Variants in DTX2 observed in about 807,000 individuals in gnomAD.
The protein encoded by DTX2 is probable E3 ubiquitin-protein ligase DTX2.
In DTX2, 29 loss-of-function variants were observed where a neutral mutation model predicts 55.3. That is an observed-to-expected ratio of 0.52 (90% CI 0.39 to 0.71). DTX2 has a LOEUF of 0.71. Among genes scored for constraint, DTX2 ranks in the 30% least tolerant of loss-of-function variants. The pLI is 0.00. For synonymous variants in DTX2, 276 were observed against 340.4 expected (o/e 0.81, Z 2.08); for missense variants, 537 against 822.5 (o/e 0.65, Z 4.25).
chr7:76,470,485 CCTT>C (rs1257630138), intron 2 of DTX2: 3 of 277,494 alleles, frequency 1.1e-5, no homozygotes, highest in Non-Finnish European at 1.8e-5. Flanking sequence ...CTGGTGTGCT[CCTT>C]CTTGTCATCC....
rs1354363490 is a variant in DTX2 at position 76,492,224 on chromosome 7, AGCCCAGCAGAGTCCAGCAGGC to A, written c.983_1003del (p.Pro328_Ala334del). 8.6e-7 allele frequency: 1 copy of A among 1,163,024 alleles called. No individual in the cohort carries two copies. The highest frequency in any genetic ancestry group is 1.2e-6 in the Non-Finnish European group (1 of 864,626). The allele number at this position is 1,163,024 out of a possible 1,614,324, so 72.0% of individuals were successfully genotyped here. On this transcript the variant is annotated inframe_deletion, in exon 5 of 11. Transcript: ENST00000430490. ...GCCACTGTGCCCATGCAGATGCCAA[AGCCCAGCAGAGTCCAGCAGGC>A]GCTCGCAGGTAGGTGCCTGACCTCG...
intron 8 of DTX2, chr7:76,502,821 G>A (rs1027889979): frequency 5.7e-5 from 18 of 313,710 alleles, no homozygotes; most frequent in Admixed American, 1.7e-4. Flanking sequence ...TCCCTGTGCA[G>A]TCAGCACAGT....
chr7:76,483,259 G>A (rs1165176288), intron 4 of DTX2, 112 bp downstream of exon 4: 57 of 1,306,842 alleles, frequency 4.4e-5, no homozygotes, highest in Non-Finnish European at 5.0e-5. Flanking sequence ...TGGTCCTGCC[G>A]TGGCATCTCA....
At chr7:76,498,629 A>G (rs1296880040) in intron 6 of DTX2, among the ~76,000 whole-genome samples, 4 of 119,940 alleles carry the variant, frequency 3.3e-5, no homozygotes, top group Non-Finnish European at 6.7e-5. Context: ...GCCCAGGCTC[A>G]CCCGGAGATG....
At position 76,505,757 on chromosome 7, in the gene DTX2, T is replaced by A; in HGVS notation, c.*156T>A. 1.3e-6 allele frequency: 1 copy of A among 749,594 alleles called. No homozygotes were observed. The highest frequency in any genetic ancestry group is 2.2e-6 in the Non-Finnish European group (1 of 460,770). 46.4% of individuals were successfully genotyped at this position (749,594 alleles called of 1,614,324 possible). A position where few individuals can be genotyped will look rare whatever the true frequency, so the allele number is the denominator to read the frequency against. Reference sequence around the variant, plus strand: ...AGCCGGGGCTCCCCCTGCCTGCCTCTCTCTCCTCCTCCCCTCTGGGAATTG... The same window carrying A: ...AGCCGGGGCTCCCCCTGCCTGCCTCACTCTCCTCCTCCCCTCTGGGAATTG... On this transcript the variant is annotated 3_prime_UTR_variant, in exon 11 of 11. Coordinates refer to ENST00000430490, the MANE Select transcript of DTX2 (RefSeq NM_001102594.3). The surrounding 1 kb of genome is among the most constrained non-coding windows in gnomAD (Gnocchi z 4.4).
intron 6 of DTX2, among the ~76,000 whole-genome samples, chr7:76,499,006 G>A: frequency 2.0e-5 from 1 of 50,982 alleles, no homozygotes; most frequent in Non-Finnish European, 3.6e-5. Flanking sequence ...TGTAGGGTGT[G>A]TAGAAGTGTG....
rs1477596087 is a variant in DTX2 at position 76,505,655 on chromosome 7, G to T, written c.*54G>T. ...TGGCCACCCCGCTGCCCCATGGCTG[G>T]CTGGGTGGCCAGGCAGGAAGTGCCC... On this transcript the variant is annotated 3_prime_UTR_variant, in exon 11 of 11. Transcript: ENST00000430490. This position sits in a 1 kb window ranked among gnomAD's most constrained non-coding sequence, Gnocchi z 4.4. 6 of 1,515,664 alleles carry T rather than the reference G, an allele frequency of 4.0e-6. No homozygotes were observed. The highest frequency in any genetic ancestry group is 8.8e-7 in the Non-Finnish European group (1 of 1,130,604). 93.9% of individuals were successfully genotyped at this position (1,515,664 alleles called of 1,614,324 possible).
chr7:76,484,141 C>G (rs1161790729), intron 4 of DTX2, among the ~76,000 whole-genome samples: 1 of 123,838 alleles, frequency 8.1e-6, no homozygotes, highest in African/African-American at 3.3e-5. Context: ...GTCAGGAGTT[C>G]AAGACCAGCC....
At chr7:76,498,390 C>G (rs1811171992) in intron 6 of DTX2, among the ~76,000 whole-genome samples, 1 of 151,804 alleles carries the variant, frequency 6.6e-6, no homozygotes, top group African/African-American at 2.4e-5. Context: ...CTGCCCTTCC[C>G]CTGCCCTGGG....
intron 7 of DTX2, chr7:76,501,962 C>A: frequency 3.1e-6 from 1 of 320,662 alleles, no homozygotes. Flanking sequence ...AATCTCAGCT[C>A]TGCAACCTCT....
intron 7 of DTX2, chr7:76,501,139 T>G: frequency 2.6e-6 from 1 of 381,508 alleles, no homozygotes; most frequent in South Asian, 1.9e-5. Flanking sequence ...GCCCTGGAGA[T>G]ACTGTTGGGG....
At chr7:76,474,230 T>G (rs1385367400) in intron 2 of DTX2, among the ~76,000 whole-genome samples, 1 of 151,036 alleles carries the variant, frequency 6.6e-6, no homozygotes, top group Non-Finnish European at 1.5e-5. Flanking sequence ...TTTCTTTTTT[T>G]TTTTTTAAGA....
chr7:76,500,949 G>A (rs1811596373), intron 7 of DTX2, among the ~76,000 whole-genome samples: 1 of 152,182 alleles, frequency 6.6e-6, no homozygotes, highest in Non-Finnish European at 1.5e-5. Flanking sequence ...AAAGACGGGT[G>A]CACACTGTCG....
intron 4 of DTX2, 48 bp downstream of exon 4, chr7:76,483,195 C>T (rs767569894): frequency 1.1e-5 from 18 of 1,586,276 alleles, no homozygotes; most frequent in East Asian, 4.5e-5. Context: ...TGTTTCCGCT[C>T]TTAGCCGGGA....
chr7:76,495,406 T>G (rs1037440985), intron 5 of DTX2, among the ~76,000 whole-genome samples: 1 of 151,524 alleles, frequency 6.6e-6, no homozygotes, highest in Non-Finnish European at 1.5e-5. Context: ...CCCAGATGGG[T>G]GGAGAAAAAG....
chr7:76,502,520 C>G (rs1811849546), intron 8 of DTX2, 64 bp downstream of exon 8: 1 of 1,557,234 alleles, frequency 6.4e-7, no homozygotes, highest in Non-Finnish European at 8.7e-7. Flanking sequence ...CTGTCCCCTG[C>G]AGGGGCGGGA....
intron 4 of DTX2, chr7:76,491,943 G>A (rs2116490060): frequency 1.7e-6 from 1 of 577,504 alleles, no homozygotes; most frequent in East Asian, 3.6e-5. Flanking sequence ...CCAAAGTGCT[G>A]GGATTACCGG....
intron 7 of DTX2, among the ~76,000 whole-genome samples, 160 bp downstream of exon 7, chr7:76,500,680 A>G (rs1056440253): frequency 7.3e-5 from 11 of 151,068 alleles, no homozygotes; most frequent in African/African-American, 2.7e-4. Context: ...GCCTCCCGAG[A>G]CCCACATCGT....
intron 6 of DTX2, chr7:76,499,872 T>C: frequency 3.6e-6 from 1 of 275,262 alleles, no homozygotes; most frequent in Middle Eastern, 1.6e-3. Context: ...CCAGAGTCGC[T>C]GGACTTAGGA....
Sources: allele counts gnomAD v4.1 joint callset (sites outside exome capture counted in the v4.1 genomes callset), GRCh38; gene constraint gnomAD v4.1.1; non-coding constraint Gnocchi (gnomAD v3.1); transcripts MANE v1.5; gene names NCBI Gene and HGNC (gene_info 2026-07-23, HGNC 2026-07-21).